SWT1: variants seen among roughly 807,000 people sequenced by gnomAD.
SWT1 encodes SWT1 RNA endoribonuclease homolog, also known as transcriptional protein SWT1.
In SWT1, 33 loss-of-function variants were observed where a neutral mutation model predicts 107.3. The ratio of observed to expected loss-of-function variants is 0.31; its 90% CI spans 0.23 to 0.41. The LOEUF (loss-of-function observed/expected upper bound fraction) is 0.41, where lower values mean the gene tolerates loss of function less well. SWT1 is among the 10% of genes least tolerant of loss of function. The pLI is 1.00. For missense variants in SWT1, 898 were observed against 1,028.9 expected, an observed-to-expected ratio of 0.87 and a Z score of 1.74; for synonymous variants, 345 against 348.3, an observed-to-expected ratio of 0.99 and a Z score of 0.11.
In SWT1 at chr1:185,285,251, C is replaced by T. The variant is rs145229704; in HGVS notation, c.2574-5423C>T. 5.3e-4 allele frequency among the ~76,000 whole-genome samples: 80 copies of T among 152,296 alleles called. 1 individual carries two copies. Among genetic ancestry groups the T allele is most frequent in the Middle Eastern group, 3.4e-3 (1 of 294 alleles). On this transcript the variant is annotated intron_variant, in intron 18 of 18. Coordinates refer to ENST00000367500, the MANE Select transcript of SWT1 (RefSeq NM_017673.7). ...GACAGTGTGCCCCACCCCGACAACCCAGCAGTGCATATTTATCTCACCCTT... is the reference window on the plus strand; with the variant it reads ...GACAGTGTGCCCCACCCCGACAACCTAGCAGTGCATATTTATCTCACCCTT...
At chr1:185,286,972 A>C (rs1057121927) in intron 18 of SWT1, among the ~76,000 whole-genome samples, 3 of 152,176 alleles carry the variant, frequency 2.0e-5, no homozygotes, top group African/African-American at 7.2e-5. Flanking sequence ...TACTGCTTTT[A>C]TATTTGTATT....
At chr1:185,190,212 A>G (rs1656837597) in intron 9 of SWT1, among the ~76,000 whole-genome samples, 2 of 152,206 alleles carry the variant, frequency 1.3e-5, no homozygotes, top group African/African-American at 4.8e-5. Context: ...TGCACAAAAG[A>G]CATCAAGATT....
intron 17 of SWT1, among the ~76,000 whole-genome samples, chr1:185,274,528 A>G (rs1664111203): frequency 6.6e-6 from 1 of 151,984 alleles, no homozygotes; most frequent in East Asian, 1.9e-4. Flanking sequence ...CATTGGAGAT[A>G]TTTGTCTAAT....
chr1:185,250,198 G>A (rs1259399596), intron 16 of SWT1, among the ~76,000 whole-genome samples: 1 of 152,170 alleles, frequency 6.6e-6, no homozygotes, highest in Non-Finnish European at 1.5e-5. Flanking sequence ...TGTGATCATA[G>A]CTCACTGCAG....
chr1:185,280,072 C>T (rs1469854747), intron 18 of SWT1, among the ~76,000 whole-genome samples: 1 of 152,044 alleles, frequency 6.6e-6, no homozygotes, highest in Admixed American at 6.6e-5. Context: ...TCCCTATAAT[C>T]CCTACGTTTG....
At chr1:185,269,208 C>A (rs1187179314) in intron 16 of SWT1, among the ~76,000 whole-genome samples, 1 of 152,034 alleles carries the variant, frequency 6.6e-6, no homozygotes, top group Non-Finnish European at 1.5e-5. Flanking sequence ...GTTTCCCTTG[C>A]CTTTCTAAAG....
chr1:185,233,583 G>T (rs1660643216), intron 16 of SWT1, among the ~76,000 whole-genome samples: 1 of 152,130 alleles, frequency 6.6e-6, no homozygotes, highest in Non-Finnish European at 1.5e-5. Context: ...TCAGGAGCAG[G>T]TTGTTCACTT....
intron 16 of SWT1, among the ~76,000 whole-genome samples, chr1:185,261,001 T>G (rs1374616459): frequency 1.3e-5 from 2 of 152,182 alleles, no homozygotes; most frequent in Non-Finnish European, 2.9e-5. Context: ...TATTTAAAAT[T>G]TTTAATTGTG....
chr1:185,181,778 G>A (rs940874598), intron 6 of SWT1, among the ~76,000 whole-genome samples, 168 bp from the exon 7 acceptor site: 13 of 152,304 alleles, frequency 8.5e-5, no homozygotes, highest in East Asian at 3.9e-4. Context: ...TGAAAACCAC[G>A]TGTGTGTTTA....
intron 18 of SWT1, among the ~76,000 whole-genome samples, chr1:185,283,231 A>G (rs947605186): frequency 6.6e-6 from 1 of 152,202 alleles, no homozygotes; most frequent in African/African-American, 2.4e-5. Flanking sequence ...AGTGAATTCC[A>G]TAAGACACAG....
intron 16 of SWT1, among the ~76,000 whole-genome samples, chr1:185,246,478 TG>T (rs1349838588): frequency 2.0e-5 from 3 of 152,000 alleles, no homozygotes; most frequent in Non-Finnish European, 4.4e-5. Context: ...GGTCTTGCCA[TG>T]TTGATCAGGC....
intron 16 of SWT1, among the ~76,000 whole-genome samples, chr1:185,266,113 G>T (rs1663356281): frequency 6.6e-6 from 1 of 151,998 alleles, no homozygotes; most frequent in Non-Finnish European, 1.5e-5. Context: ...GCCCAGGCTG[G>T]AGTGCAGTGG....
chr1:185,265,303 A>C (rs1663293713), intron 16 of SWT1, among the ~76,000 whole-genome samples: 2 of 152,092 alleles, frequency 1.3e-5, no homozygotes, highest in Non-Finnish European at 2.9e-5. Flanking sequence ...ATTTTTTTCA[A>C]AATCTAGGAC....
At position 185,268,757 on chromosome 1, in the gene SWT1, C is replaced by G. The variant is rs529312612; in HGVS notation, c.2442-2566C>G. ...TCTTGTTTTATCTGATTTTCTCGCC[C>G]TCTTTTATGGACAGTTCAGATTATT... On this transcript the variant is annotated intron_variant, in intron 16 of 18. Coordinates refer to ENST00000367500, the MANE Select transcript of SWT1 (RefSeq NM_017673.7). Among the ~76,000 whole-genome samples the G allele has an allele frequency of 2.0e-5, 3 of 152,076 alleles. No homozygotes were observed. In the East Asian group the frequency reaches 5.8e-4, roughly 29 times the overall value.
chr1:185,198,649 T>C (rs1475640182), intron 10 of SWT1, among the ~76,000 whole-genome samples: 1 of 152,176 alleles, frequency 6.6e-6, no homozygotes, highest in Non-Finnish European at 1.5e-5. Context: ...GAAATTTAGC[T>C]CTTCTTGTTG....
At chr1:185,206,865 T>G in intron 13 of SWT1, 102 bp downstream of exon 13, 1 of 844,604 alleles carries the variant, frequency 1.2e-6, no homozygotes, top group Non-Finnish European at 1.7e-6. Context: ...ATTTGTTAAT[T>G]AGTTCTTAAT....
intron 14 of SWT1, among the ~76,000 whole-genome samples, chr1:185,221,050 G>GACACACAC (rs59643566): frequency 2.0e-5 from 3 of 149,750 alleles, no homozygotes; most frequent in African/African-American, 7.3e-5. Context: ...CGTGCACACA[G>GACACACAC]ACACACACAC....
chr1:185,235,259 A>G (rs11799404), intron 16 of SWT1, among the ~76,000 whole-genome samples: 585 of 152,276 alleles, frequency 3.8e-3, no homozygotes, highest in African/African-American at 0.013. Flanking sequence ...GAGACACAAC[A>G]AAAAAGAAAA....
intron 14 of SWT1, among the ~76,000 whole-genome samples, chr1:185,220,053 C>G (rs1330193097): frequency 6.9e-6 from 1 of 145,144 alleles, no homozygotes; most frequent in Non-Finnish European, 1.5e-5. Context: ...GGTTGAGGAT[C>G]ACCTGAGTCC....
Sources: allele counts gnomAD v4.1 joint callset (sites outside exome capture counted in the v4.1 genomes callset), GRCh38; gene constraint gnomAD v4.1.1; transcripts MANE v1.5; gene names NCBI Gene and HGNC (gene_info 2026-07-23, HGNC 2026-07-21).